Variants in SDK1 observed in about 807,000 individuals in gnomAD.
The protein encoded by SDK1 is protein sidekick-1.
In SDK1, 157 loss-of-function variants were observed where a neutral mutation model predicts 245.5. The ratio of observed to expected loss-of-function variants is 0.64; its 90% CI spans 0.56 to 0.73. The LOEUF is 0.73. SDK1 is among the 30% of genes least tolerant of loss of function. The pLI is 0.00. For missense variants in SDK1, 3,583 were observed against 3,002.3 expected (o/e 1.19, Z -4.52); for synonymous variants, 1,647 against 1,278.5 (o/e 1.29, Z -6.15).
At chr7:3,411,847 T>G (rs190000733) in intron 1 of SDK1, among the ~76,000 whole-genome samples, 1 of 152,300 alleles carries the variant, frequency 6.6e-6, no homozygotes, top group African/African-American at 2.4e-5. Context: ...GGGTTGGGAC[T>G]TTGTTCACTA....
intron 5 of SDK1, among the ~76,000 whole-genome samples, chr7:3,833,127 A>T (rs896103017): frequency 1.1e-4 from 16 of 152,138 alleles, no homozygotes; most frequent in African/African-American, 3.9e-4. Flanking sequence ...GGAGGAAGAT[A>T]CAAATGTCAA....
intron 1 of SDK1, among the ~76,000 whole-genome samples, chr7:3,378,150 T>C (rs1401101722): frequency 6.6e-6 from 1 of 152,168 alleles, no homozygotes; most frequent in Non-Finnish European, 1.5e-5. Context: ...GAGCTTCTCT[T>C]GGATCCCTTG....
rs66881824 is a variant in SDK1 at position 3,644,243 on chromosome 7, TTATA to T, written c.713+2158_713+2161del. On this transcript the variant is annotated intron_variant, in intron 4 of 44. Coordinates refer to ENST00000404826, the MANE Select transcript of SDK1 (RefSeq NM_152744.4). ...TATTTTGGTTATTGGGAACAAAAAT[TTATA>T]TATATATATATATATATATGCATGC... Among the ~76,000 whole-genome samples the T allele has an allele frequency of 7.8e-3, 1,128 of 145,032 alleles. 13 individuals carry two copies. Among genetic ancestry groups the T allele is most frequent in the African/African-American group, 0.025 (997 of 39,328 alleles).
intron 1 of SDK1, among the ~76,000 whole-genome samples, chr7:3,578,077 C>A (rs1182879318): frequency 1.3e-5 from 2 of 151,904 alleles, no homozygotes; most frequent in Admixed American, 6.6e-5. Context: ...TATTTTCTCT[C>A]TCTAATTTGC....
At chr7:3,445,283 A>G (rs1228153239) in intron 1 of SDK1, among the ~76,000 whole-genome samples, 1 of 152,196 alleles carries the variant, frequency 6.6e-6, no homozygotes, top group Non-Finnish European at 1.5e-5. Context: ...AGATACCTAC[A>G]AAACAGCACC....
intron 5 of SDK1, among the ~76,000 whole-genome samples, chr7:3,947,910 G>C (rs2063412191): frequency 6.6e-6 from 1 of 152,066 alleles, no homozygotes; most frequent in South Asian, 2.1e-4. Flanking sequence ...AACAGATTTA[G>C]GGGAGATTGC....
At chr7:4,231,243 G>T (rs918738049) in intron 40 of SDK1, among the ~76,000 whole-genome samples, 2 of 152,078 alleles carry the variant, frequency 1.3e-5, no homozygotes, top group African/African-American at 4.8e-5. Context: ...TGAGTGTCTT[G>T]GTGAGAAATG....
chr7:3,344,908 A>T (rs144144978), intron 1 of SDK1, among the ~76,000 whole-genome samples: 25 of 152,330 alleles, frequency 1.6e-4, no homozygotes, highest in East Asian at 1.2e-3. Context: ...ATAACAAGAG[A>T]TGCTTCATTT....
intron 1 of SDK1, among the ~76,000 whole-genome samples, chr7:3,460,037 A>G (rs1239848044): frequency 3.3e-5 from 5 of 152,184 alleles, no homozygotes; most frequent in Non-Finnish European, 5.9e-5. Context: ...GGGGATAAGT[A>G]TTTATTTTGA....
chr7:3,887,161 G>C (rs1781356753), intron 5 of SDK1, among the ~76,000 whole-genome samples: 1 of 152,106 alleles, frequency 6.6e-6, no homozygotes, highest in African/African-American at 2.4e-5. Context: ...GGTCCATGTG[G>C]GTACTCAGGG....
chr7:3,568,379 C>T (rs1779994759), intron 1 of SDK1, among the ~76,000 whole-genome samples: 1 of 152,250 alleles, frequency 6.6e-6, no homozygotes, highest in South Asian at 2.1e-4. Context: ...CCCTCTATTA[C>T]CATAGTAATC....
chr7:4,236,719 A>G (rs568510775), intron 41 of SDK1, among the ~76,000 whole-genome samples: 4 of 152,074 alleles, frequency 2.6e-5, no homozygotes, highest in African/African-American at 9.6e-5. Flanking sequence ...GATGTAAAGG[A>G]TGGATCTGAG....
At chr7:3,544,526 G>T (rs887298374) in intron 1 of SDK1, among the ~76,000 whole-genome samples, 1 of 152,200 alleles carries the variant, frequency 6.6e-6, no homozygotes, top group African/African-American at 2.4e-5. Flanking sequence ...AAAATGAGTC[G>T]TTGGCCTAAT....
chr7:4,193,374 A>G (rs1210258856), intron 35 of SDK1, among the ~76,000 whole-genome samples: 1 of 5,814 alleles, frequency 1.7e-4, no homozygotes, highest in South Asian at 6.2e-3. Flanking sequence ...TAAAATATTT[A>G]TATATATATA....
intron 9 of SDK1, among the ~76,000 whole-genome samples, chr7:3,966,836 C>T (rs1782121767): frequency 6.6e-6 from 1 of 152,104 alleles, no homozygotes; most frequent in South Asian, 2.1e-4. Context: ...TAGGCCTGCA[C>T]CACCATGCCT....
At chr7:3,382,056 C>T (rs1781502439) in intron 1 of SDK1, among the ~76,000 whole-genome samples, 1 of 152,164 alleles carries the variant, frequency 6.6e-6, no homozygotes, top group African/African-American at 2.4e-5. Flanking sequence ...AACACCTTCC[C>T]TATGCACAAG....
intron 1 of SDK1, among the ~76,000 whole-genome samples, chr7:3,332,314 A>G (rs1305800773): frequency 6.6e-6 from 1 of 152,170 alleles, no homozygotes; most frequent in Non-Finnish European, 1.5e-5. Flanking sequence ...AATTAATCCT[A>G]GCAGGGCTCC....
At chr7:3,755,979 T>C (rs927239312) in intron 4 of SDK1, among the ~76,000 whole-genome samples, 4 of 151,960 alleles carry the variant, frequency 2.6e-5, no homozygotes, top group Non-Finnish European at 5.9e-5. Flanking sequence ...ATAGCACGTG[T>C]GACACATGCA....
At chr7:3,368,078 G>A (rs998289497) in intron 1 of SDK1, among the ~76,000 whole-genome samples, 2 of 152,162 alleles carry the variant, frequency 1.3e-5, no homozygotes, top group African/African-American at 4.8e-5. Context: ...TCTGCAATAA[G>A]GAGTTCTATC....
Sources: gnomAD v4.1 joint callset for allele counts (sites outside exome capture counted in the v4.1 genomes callset) on GRCh38, gnomAD v4.1.1 for gene constraint, MANE v1.5 for transcripts, NCBI Gene and HGNC (gene_info 2026-07-23, HGNC 2026-07-21) for gene names.